RIC8B: variants seen among roughly 807,000 people sequenced by gnomAD.
The protein encoded by RIC8B is RIC8 guanine nucleotide exchange factor B, also known as chaperone Ric-8B.
RIC8B carries 16 observed loss-of-function variants against 57.5 expected under a neutral mutation model. That is an observed-to-expected ratio of 0.28 (90% CI 0.19 to 0.42). RIC8B has a LOEUF of 0.42. RIC8B is among the 10% of genes least tolerant of loss of function. RIC8B has a pLI of 1.00. For missense variants in RIC8B, 481 were observed against 677.0 expected (o/e 0.71, Z 3.21); for synonymous variants, 216 against 250.8 (o/e 0.86, Z 1.31).
chr12:106,844,059 A>C (rs1239827493), intron 6 of RIC8B, 112 bp downstream of exon 6: 1 of 771,788 alleles, frequency 1.3e-6, no homozygotes, highest in African/African-American at 1.8e-5. Flanking sequence ...TCAGAAACTC[A>C]GTCTTAATCT....
At chr12:106,808,982 GA>G (rs761318364) in intron 2 of RIC8B, among the ~76,000 whole-genome samples, 26 of 151,602 alleles carry the variant, frequency 1.7e-4, no homozygotes, top group Non-Finnish European at 4.4e-5. Flanking sequence ...GATTCAGAGT[GA>G]AAAAAAAGCC....
At position 106,870,873 on chromosome 12, in the gene RIC8B, A is replaced by G; in HGVS notation, c.1502A>G (p.Asp501Gly). The change falls in exon 9 of 10, where the codon GAT (aspartate) becomes GGT (glycine). Residue 501 changes from aspartate to glycine, a missense_variant. Transcript: ENST00000392837. ...HLEEPMPNPI[D>G]EMTEEQKEYE... Reference sequence around the variant, plus strand: ...GAGGAACCAATGCCAAACCCCATAGATGAAATGACAGAAGAACAAAAAGAA... The same window carrying G: ...GAGGAACCAATGCCAAACCCCATAGGTGAAATGACAGAAGAACAAAAAGAA... 1 of 1,547,518 alleles carries G rather than the reference A, an allele frequency of 6.5e-7. No homozygotes were observed. Among genetic ancestry groups the G allele is most frequent in the Middle Eastern group, 1.7e-4 (1 of 5,964 alleles).
In RIC8B at chr12:106,825,792, A is replaced by G. The variant is rs759380756; in HGVS notation, c.808A>G (p.Thr270Ala). The change falls in exon 4 of 10, where the codon ACT becomes GCT. Residue 270 changes from threonine to alanine, a missense_variant. By Grantham distance (58) the Thr-to-Ala change is moderately conservative (BLOSUM62 0). Coordinates refer to ENST00000392837, the MANE Select transcript of RIC8B (RefSeq NM_001330145.2). ...TCATTGTTTACTAATCGTAGGTCCAACTGAAGACAAAACAGAAGAGCTACA... is the reference window on the plus strand; with the variant it reads ...TCATTGTTTACTAATCGTAGGTCCAGCTGAAGACAAAACAGAAGAGCTACA... ...LRHCLLIVGP[T>A]EDKTEELHSN... 2.5e-6 allele frequency: 4 copies of G among 1,613,438 alleles called. No individual in the cohort carries two copies. Among genetic ancestry groups the G allele is most frequent in the Non-Finnish European group, 3.4e-6 (4 of 1,179,366 alleles).
At chr12:106,856,261 G>T (rs1364114255) in intron 7 of RIC8B, among the ~76,000 whole-genome samples, 1 of 152,110 alleles carries the variant, frequency 6.6e-6, no homozygotes, top group East Asian at 1.9e-4. Flanking sequence ...TTAACAGAGG[G>T]ATTGGTGTAA....
intron 2 of RIC8B, among the ~76,000 whole-genome samples, chr12:106,802,283 G>A (rs985679520): frequency 3.3e-5 from 5 of 152,166 alleles, no homozygotes; most frequent in African/African-American, 1.2e-4. Context: ...ATGACTTTAA[G>A]TATCCCTGGC....
intron 2 of RIC8B, among the ~76,000 whole-genome samples, chr12:106,802,343 G>A (rs144157097): frequency 4.9e-4 from 74 of 152,134 alleles, no homozygotes; most frequent in African/African-American, 1.6e-3. Flanking sequence ...TTAAGATTAG[G>A]GTCTATCCCG....
At chr12:106,813,948 A>G (rs953531195) in intron 2 of RIC8B, among the ~76,000 whole-genome samples, 1 of 152,220 alleles carries the variant, frequency 6.6e-6, no homozygotes, top group Non-Finnish European at 1.5e-5. Flanking sequence ...TTTAGGAAAT[A>G]TAAGATATTT....
At chr12:106,843,736 A>AAC (rs1293880184) in intron 5 of RIC8B, 116 bp from the exon 6 acceptor site, 6 of 650,536 alleles carry the variant, frequency 9.2e-6, no homozygotes, top group Admixed American at 3.0e-5. Context: ...AAAAAAAAAA[A>AAC]AAAAAAAAGT....
intron 7 of RIC8B, among the ~76,000 whole-genome samples, chr12:106,855,042 A>G (rs752597531): frequency 5.9e-5 from 9 of 152,226 alleles, no homozygotes; most frequent in Non-Finnish European, 1.0e-4. Flanking sequence ...ACATTGTTTA[A>G]TTAAAAGAAG....
chr12:106,818,862 G>A (rs1421945524), intron 3 of RIC8B, among the ~76,000 whole-genome samples: 1 of 152,148 alleles, frequency 6.6e-6, no homozygotes, highest in Non-Finnish European at 1.5e-5. Context: ...TGCCTCCTGG[G>A]TTCAAGTGAT....
At chr12:106,780,685 A>G (rs2043725543) in intron 1 of RIC8B, among the ~76,000 whole-genome samples, 1 of 152,222 alleles carries the variant, frequency 6.6e-6, no homozygotes, top group African/African-American at 2.4e-5. Flanking sequence ...TAGTTGTAGA[A>G]GCAATCTGTG....
intron 4 of RIC8B, among the ~76,000 whole-genome samples, chr12:106,835,458 A>C (rs1232171635): frequency 2.0e-5 from 3 of 152,186 alleles, no homozygotes; most frequent in Non-Finnish European, 2.9e-5. Flanking sequence ...GACATTTACT[A>C]TGTGCCAGGC....
intron 6 of RIC8B, among the ~76,000 whole-genome samples, chr12:106,851,167 G>T (rs1270195665): frequency 6.6e-6 from 1 of 152,108 alleles, no homozygotes; most frequent in Non-Finnish European, 1.5e-5. Context: ...GGCATTCCAG[G>T]TGTTGAGATA....
intron 6 of RIC8B, among the ~76,000 whole-genome samples, chr12:106,846,784 A>G (rs1321483953): frequency 6.6e-6 from 1 of 152,064 alleles, no homozygotes; most frequent in African/African-American, 2.4e-5. Flanking sequence ...TGGGCCACAT[A>G]TTGTGTCATT....
chr12:106,809,859 G>T (rs918332075), intron 2 of RIC8B, among the ~76,000 whole-genome samples: 1 of 151,710 alleles, frequency 6.6e-6, no homozygotes, highest in African/African-American at 2.4e-5. Context: ...TGTTCTTCTA[G>T]TTCTTTTGAA....
chr12:106,808,804 A>G (rs73200050), intron 2 of RIC8B, among the ~76,000 whole-genome samples: 57 of 152,312 alleles, frequency 3.7e-4, no homozygotes, highest in Non-Finnish European at 5.0e-4. Context: ...TCTTTTAAAC[A>G]AAGACATTTT....
intron 5 of RIC8B, 61 bp from the exon 6 acceptor site, chr12:106,843,791 A>G (rs1949064750): frequency 8.1e-7 from 1 of 1,234,476 alleles, no homozygotes; most frequent in African/African-American, 1.5e-5. Context: ...CATGAAGGAA[A>G]GTAATACTGT....
At position 106,774,838 on chromosome 12, in the gene RIC8B, T is replaced by C. The variant is rs752574798; in HGVS notation, c.84+9T>C. On this transcript the variant is annotated intron_variant, in intron 1 of 9. Transcript: ENST00000392837. ...GGGATTACAGCGACAAGGTAAAGAG[T>C]CCTGGCCCCGGGCGTGCGGTATCGC... 5.8e-6 allele frequency: 9 copies of C among 1,549,252 alleles called. No homozygotes were observed. Among genetic ancestry groups the C allele is most frequent in the Admixed American group, 3.9e-5 (2 of 50,856 alleles).
At chr12:106,801,651 A>C (rs1191518846) in intron 2 of RIC8B, among the ~76,000 whole-genome samples, 1 of 152,214 alleles carries the variant, frequency 6.6e-6, no homozygotes, top group Non-Finnish European at 1.5e-5. Context: ...ACTCAGCTGC[A>C]TGAGTATTCA....
Sources: allele counts gnomAD v4.1 joint callset (sites outside exome capture counted in the v4.1 genomes callset), GRCh38; gene constraint gnomAD v4.1.1; transcripts MANE v1.5; gene names NCBI Gene and HGNC (gene_info 2026-07-23, HGNC 2026-07-21).